The following ASTN2 variants were observed in gnomAD, a reference collection of about 807,000 sequenced individuals.
ASTN2 encodes astrotactin 2, also known as astrotactin-2.
A neutral mutation model predicts 139.8 loss-of-function variants in ASTN2; 54 were observed. The ratio of observed to expected loss-of-function variants is 0.39; its 90% CI spans 0.31 to 0.48. The LOEUF (loss-of-function observed/expected upper bound fraction) is 0.48, where lower values mean the gene tolerates loss of function less well. Among genes scored for constraint, ASTN2 ranks in the 20% least tolerant of loss-of-function variants. The pLI is 0.95. For missense variants in ASTN2, 1,565 were observed against 1,725.1 expected, an observed-to-expected ratio of 0.91 and a Z score of 1.64; for synonymous variants, 756 against 719.5, an observed-to-expected ratio of 1.05 and a Z score of -0.81.
At chr9:117,046,216 G>A (rs184069328) in intron 5 of ASTN2, among the ~76,000 whole-genome samples, 1 of 152,228 alleles carries the variant, frequency 6.6e-6, no homozygotes, top group South Asian at 2.1e-4. Flanking sequence ...GGCCAGGCTA[G>A]TCTTGAACTC....
chr9:117,172,748 T>C (rs1210401341), intron 3 of ASTN2, among the ~76,000 whole-genome samples: 1 of 152,160 alleles, frequency 6.6e-6, no homozygotes, highest in Non-Finnish European at 1.5e-5. Flanking sequence ...GATGATTTCA[T>C]TCAACAATTC....
intron 5 of ASTN2, among the ~76,000 whole-genome samples, chr9:117,045,682 G>A (rs1838714377): frequency 2.6e-5 from 4 of 152,108 alleles, no homozygotes; most frequent in Admixed American, 2.6e-4. Context: ...GTTAAATTTG[G>A]AATTGAATCA....
At chr9:117,121,752 G>GT (rs1364584058) in intron 4 of ASTN2, among the ~76,000 whole-genome samples, 1 of 152,192 alleles carries the variant, frequency 6.6e-6, no homozygotes, top group Non-Finnish European at 1.5e-5. Flanking sequence ...GGCTATACAG[G>GT]TTTCTGCATC....
chr9:116,465,754 G>A (rs1848630585), intron 20 of ASTN2, among the ~76,000 whole-genome samples: 1 of 152,186 alleles, frequency 6.6e-6, no homozygotes, highest in African/African-American at 2.4e-5. Flanking sequence ...TTGCTCTGCG[G>A]ATTAGACTAA....
chr9:116,993,445 C>T (rs984175506), intron 7 of ASTN2, among the ~76,000 whole-genome samples: 1 of 151,360 alleles, frequency 6.6e-6, no homozygotes, highest in Non-Finnish European at 1.5e-5. Context: ...ACAGCCCCCT[C>T]TTTCTACAGG....
intron 7 of ASTN2, among the ~76,000 whole-genome samples, chr9:116,982,169 G>T (rs141694191): frequency 6.6e-6 from 1 of 152,188 alleles, no homozygotes; most frequent in Non-Finnish European, 1.5e-5. Context: ...CAGAGTGTGG[G>T]TGGGCCTTGA....
chr9:116,483,922 G>C (rs947224508), intron 20 of ASTN2, among the ~76,000 whole-genome samples: 1 of 152,202 alleles, frequency 6.6e-6, no homozygotes, highest in Non-Finnish European at 1.5e-5. Flanking sequence ...GGAGAGACTA[G>C]TCCTTCACTC....
intron 3 of ASTN2, among the ~76,000 whole-genome samples, chr9:117,209,073 G>C (rs1832032420): frequency 1.3e-5 from 2 of 152,040 alleles, no homozygotes; most frequent in South Asian, 4.2e-4. Context: ...TTTTGAAAGA[G>C]AAAGGAATCA....
chr9:117,286,358 T>TTG, intron 2 of ASTN2, among the ~76,000 whole-genome samples: 1 of 149,710 alleles, frequency 6.7e-6, no homozygotes, highest in East Asian at 2.0e-4. Flanking sequence ...CACTTTCTTT[T>TTG]TTTTTTTTTT....
intron 16 of ASTN2, chr9:116,700,046 G>T: frequency 5.8e-6 from 2 of 343,778 alleles, no homozygotes; most frequent in Non-Finnish European, 1.1e-5. Flanking sequence ...TTAAATCCTT[G>T]ATTTTTTCCC....
At chr9:117,277,584 T>G (rs764407131) in intron 2 of ASTN2, among the ~76,000 whole-genome samples, 15 of 152,172 alleles carry the variant, frequency 9.9e-5, no homozygotes, top group Non-Finnish European at 1.9e-4. Context: ...GTAATTCTTA[T>G]GTAGGAAGAA....
At chr9:116,510,738 CTA>C (rs1244186715) in intron 19 of ASTN2, among the ~76,000 whole-genome samples, 1 of 152,052 alleles carries the variant, frequency 6.6e-6, no homozygotes, top group African/African-American at 2.4e-5. Flanking sequence ...AGTTGGATTC[CTA>C]GGTATTTTAT....
In ASTN2 at chr9:117,249,253, A is replaced by C. The variant is rs557549392; in HGVS notation, c.631-34511T>G. Among the ~76,000 whole-genome samples the C allele has an allele frequency of 8.5e-5, 13 of 152,272 alleles. No individual in the cohort carries two copies. In the East Asian group the frequency reaches 2.3e-3, roughly 27 times the overall value. ...GAAAAGAAGGAAAAGAAAAGGATCC[A>C]CGGGAAATCTGTTCTCCCCAGTCTT... On this transcript the variant is annotated intron_variant, in intron 2 of 22. Transcript: ENST00000313400.
At position 116,632,166 on chromosome 9, in the gene ASTN2, G is replaced by A. The variant is rs1385221101; in HGVS notation, c.3073-11723C>T. Among the ~76,000 whole-genome samples, 20 of 36,052 alleles carry A rather than the reference G, an allele frequency of 5.5e-4. 1 individual carries two copies. Among genetic ancestry groups the A allele is most frequent in the African/African-American group, 2.5e-3 (19 of 7,568 alleles). The allele number at this position is 36,052 out of a possible 152,430, so 23.7% of individuals were successfully genotyped here. Reference sequence around the variant, plus strand: ...AGAGAGAGAGAGAGAGACAGAGAGAGAGAGAGAGAGAGAGAGAGGGAGAGA... The same window carrying A: ...AGAGAGAGAGAGAGAGACAGAGAGAAAGAGAGAGAGAGAGAGAGGGAGAGA... On this transcript the variant is annotated intron_variant, in intron 17 of 22. Coordinates refer to ENST00000313400, the MANE Select transcript of ASTN2 (RefSeq NM_001365068.1).
chr9:116,909,528 G>A (rs1477772542), intron 10 of ASTN2, among the ~76,000 whole-genome samples: 1 of 152,178 alleles, frequency 6.6e-6, no homozygotes, highest in African/African-American at 2.4e-5. Flanking sequence ...GACATGGTAC[G>A]TTTGAGATGT....
At chr9:116,882,718 C>G (rs1446898374) in intron 10 of ASTN2, among the ~76,000 whole-genome samples, 1 of 151,998 alleles carries the variant, frequency 6.6e-6, no homozygotes, top group African/African-American at 2.4e-5. Context: ...TCCCAGCACT[C>G]TGGGAGGCCA....
chr9:117,192,382 A>G (rs769555796), intron 3 of ASTN2, among the ~76,000 whole-genome samples: 1 of 145,320 alleles, frequency 6.9e-6, no homozygotes, highest in Non-Finnish European at 1.5e-5. Flanking sequence ...TTTGTCAATC[A>G]GTGGCAAAGA....
intron 16 of ASTN2, among the ~76,000 whole-genome samples, chr9:116,708,594 A>G (rs1004019708): frequency 6.6e-6 from 1 of 152,172 alleles, no homozygotes; most frequent in Admixed American, 6.5e-5. Context: ...CACTGAGGAC[A>G]CATATAGTCA....
At chr9:117,098,494 C>T (rs1468913018) in intron 4 of ASTN2, among the ~76,000 whole-genome samples, 2 of 152,078 alleles carry the variant, frequency 1.3e-5, no homozygotes, top group Non-Finnish European at 2.9e-5. Flanking sequence ...TGGGAAAGTA[C>T]AAAGGATGAC....
Sources: gnomAD v4.1 joint callset for allele counts (sites outside exome capture counted in the v4.1 genomes callset) on GRCh38, gnomAD v4.1.1 for gene constraint, MANE v1.5 for transcripts, NCBI Gene and HGNC (gene_info 2026-07-23, HGNC 2026-07-21) for gene names.